Variants in HTR2C observed in about 807,000 individuals in gnomAD.
The protein encoded by HTR2C is 5-hydroxytryptamine (serotonin) receptor 2C, G protein-coupled.
In HTR2C, 5 loss-of-function variants were observed where a neutral mutation model predicts 21.0. The ratio of observed to expected loss-of-function variants is 0.24; its 90% CI spans 0.12 to 0.50. HTR2C has a LOEUF of 0.50. HTR2C is among the 20% of genes least tolerant of loss of function. The probability of loss-of-function intolerance (pLI) is 0.98; values close to 1 mark genes in which losing one functional copy is unlikely to be tolerated. For synonymous variants in HTR2C, 150 were observed against 145.3 expected (o/e 1.03, Z -0.23); for missense variants, 271 against 371.2 (o/e 0.73, Z 2.22).
At chrX:114,822,435 A>G (rs782060424) in intron 4 of HTR2C, among the ~76,000 whole-genome samples, 2 of 112,298 alleles carry the variant, frequency 1.8e-5, no homozygotes, top group South Asian at 7.3e-4. Context: ...TCATTATTAT[A>G]TTCTTGCTTA....
intron 1 of HTR2C, among the ~76,000 whole-genome samples, chrX:114,604,215 T>A (rs1316405660): frequency 3.7e-5 from 4 of 107,846 alleles, no homozygotes; most frequent in African/African-American, 1.0e-4. Flanking sequence ...GCAATGAGAT[T>A]TAGCTGTAGT....
chrX:114,876,133 A>G lies in HTR2C; in HGVS notation c.550+27930A>G, dbSNP rs187025132. 2.7e-5 allele frequency among the ~76,000 whole-genome samples: 3 copies of G among 110,084 alleles called. No homozygotes were observed. In the East Asian group the frequency reaches 8.6e-4, roughly 31 times the overall value. On this transcript the variant is annotated intron_variant, in intron 5 of 5. Transcript: ENST00000276198. The stretch of plus-strand genomic sequence containing the variant: ...TACAGTTATTTCACTTCCTCGGTTA[A>G]ATTTATTCCTAAATATTTTATTCTT...
chrX:114,764,911 CTTT>C (rs1569492245), intron 4 of HTR2C, among the ~76,000 whole-genome samples: 10 of 68,696 alleles, frequency 1.5e-4, no homozygotes, highest in African/African-American at 5.1e-4. Flanking sequence ...TTCTTTCTTT[CTTT>C]CTTTCTTTCT....
intron 5 of HTR2C, among the ~76,000 whole-genome samples, chrX:114,903,713 A>G (rs2147538729): frequency 8.9e-6 from 1 of 112,586 alleles, no homozygotes; most frequent in East Asian, 2.8e-4. Flanking sequence ...CACCAATCTC[A>G]TGGCCTGTGT....
At chrX:114,797,104 C>T (rs2070300921) in intron 4 of HTR2C, among the ~76,000 whole-genome samples, 1 of 111,535 alleles carries the variant, frequency 9.0e-6, no homozygotes, top group South Asian at 3.7e-4. Context: ...GGTTGTGATG[C>T]AGTAATTTGT....
chrX:114,907,385 T>C lies in HTR2C; in HGVS notation c.1347T>C (p.Ser449=). The change falls in exon 6 of 6, where the codon AGT becomes AGC. Residue 449 remains serine (S), a synonymous_variant. Transcript: ENST00000276198. The part of the protein sequence containing the change: ...ENLELPVNPS[S]VVSERISSV ...TAGAGTTACCAGTAAATCCCTCCAGTGTGGTTAGCGAAAGGATTAGCAGTG... is the reference window on the plus strand; with the variant it reads ...TAGAGTTACCAGTAAATCCCTCCAGCGTGGTTAGCGAAAGGATTAGCAGTG... The C allele has an allele frequency of 2.5e-6, 3 of 1,207,707 alleles. No individual in the cohort carries two copies. The highest frequency in any genetic ancestry group is 3.4e-6 in the Non-Finnish European group (3 of 891,986).
intron 4 of HTR2C, among the ~76,000 whole-genome samples, chrX:114,754,039 C>T (rs2069786761): frequency 9.0e-6 from 1 of 111,301 alleles, no homozygotes; most frequent in Non-Finnish European, 1.9e-5. Context: ...GGTCTTCCCT[C>T]AGTACTGTGT....
chrX:114,836,521 C>T (rs887128515), intron 4 of HTR2C, among the ~76,000 whole-genome samples: 2 of 112,476 alleles, frequency 1.8e-5, no homozygotes, highest in East Asian at 5.6e-4. Flanking sequence ...CTCCCTGACC[C>T]CTTGCGCTTC....
chrX:114,658,500 G>T (rs1369198224), intron 2 of HTR2C, among the ~76,000 whole-genome samples: 1 of 111,517 alleles, frequency 9.0e-6, no homozygotes, highest in Non-Finnish European at 1.9e-5. Flanking sequence ...ATGGAATGGT[G>T]GGTGGATCGA....
chrX:114,672,987 T>A (rs1231893289), intron 2 of HTR2C, among the ~76,000 whole-genome samples: 5 of 112,103 alleles, frequency 4.5e-5, no homozygotes, highest in Non-Finnish European at 9.4e-5. Context: ...AGGATTTAGT[T>A]AAATCTCATC....
intron 4 of HTR2C, among the ~76,000 whole-genome samples, chrX:114,814,935 C>A (rs945952145): frequency 1.1e-4 from 11 of 100,692 alleles, no homozygotes; most frequent in Non-Finnish European, 2.0e-4. Flanking sequence ...TATCATATAT[C>A]ATATATACTA....
At chrX:114,807,462 T>TATATATACCATATATATACATC (rs1569496298) in intron 4 of HTR2C, among the ~76,000 whole-genome samples, 1 of 6,200 alleles carries the variant, frequency 1.6e-4, no homozygotes, top group Non-Finnish European at 3.6e-4. Context: ...ATATACGCCA[T>TATATATACCATATATATACATC]ATATATATAC....
At chrX:114,780,688 T>C (rs1340525592) in intron 4 of HTR2C, among the ~76,000 whole-genome samples, 3 of 111,651 alleles carry the variant, frequency 2.7e-5, no homozygotes, top group African/African-American at 9.8e-5. Context: ...AATCTCAAGC[T>C]ATAAATTTTG....
chrX:114,774,596 A>C (rs782555097), intron 4 of HTR2C, among the ~76,000 whole-genome samples: 1 of 111,888 alleles, frequency 8.9e-6, no homozygotes, highest in East Asian at 2.8e-4. Context: ...TTTTGTGCCA[A>C]TTTTAAATAG....
chrX:114,860,286 GGTTAT>G (rs1451990106), intron 5 of HTR2C, among the ~76,000 whole-genome samples: 1 of 110,439 alleles, frequency 9.1e-6, no homozygotes, highest in Non-Finnish European at 1.9e-5. Flanking sequence ...TAAATTTTGA[GGTTAT>G]GTTATTTGGT....
At chrX:114,644,066 C>T (rs782014516) in intron 2 of HTR2C, among the ~76,000 whole-genome samples, 11 of 109,090 alleles carry the variant, frequency 1.0e-4, no homozygotes, top group African/African-American at 1.3e-4. Context: ...AGAAGGGCTG[C>T]GCACGGTGGC....
At chrX:114,801,620 T>C (rs1214895810) in intron 4 of HTR2C, among the ~76,000 whole-genome samples, 3 of 111,590 alleles carry the variant, frequency 2.7e-5, no homozygotes, top group Non-Finnish European at 3.8e-5. Context: ...AATACACATA[T>C]TATAAAGGTA....
intron 2 of HTR2C, among the ~76,000 whole-genome samples, chrX:114,656,568 A>G (rs895710327): frequency 9.0e-6 from 1 of 111,441 alleles, no homozygotes; most frequent in African/African-American, 3.2e-5. Context: ...TTTTTAATCC[A>G]GAGAGACAGA....
chrX:114,873,791 A>G (rs2071110463), intron 5 of HTR2C, among the ~76,000 whole-genome samples: 2 of 111,643 alleles, frequency 1.8e-5, no homozygotes, highest in African/African-American at 6.5e-5. Flanking sequence ...CCTTTTTTGT[A>G]TATGTGTGAT....
Sources: allele counts gnomAD v4.1 joint callset (sites outside exome capture counted in the v4.1 genomes callset), GRCh38; gene constraint gnomAD v4.1.1; transcripts MANE v1.5; gene names NCBI Gene and HGNC (gene_info 2026-07-23, HGNC 2026-07-21).